The following PLCE1 variants were observed in gnomAD, a reference collection of about 807,000 sequenced individuals.
The protein encoded by PLCE1 is phospholipase C epsilon 1.
PLCE1 carries 119 observed loss-of-function variants against 242.8 expected under a neutral mutation model. That is an observed-to-expected ratio of 0.49 (90% confidence interval 0.42 to 0.57). The LOEUF is 0.57. PLCE1 is among the 20% of genes least tolerant of loss of function. The pLI is 0.00. For missense variants in PLCE1, 2,441 were observed against 2,788.8 expected (o/e 0.88, Z 2.81); for synonymous variants, 945 against 1,017.4 (o/e 0.93, Z 1.35).
chr10:94,312,668 C>T (rs75409190), intron 27 of PLCE1, among the ~76,000 whole-genome samples: 10,132 of 152,246 alleles, frequency 0.067, 468 homozygotes, highest in East Asian at 0.19. Flanking sequence ...ACTGGAAGCC[C>T]TTGGCAGGGA....
chr10:94,262,001 CTTT>C (rs72217756), intron 13 of PLCE1, among the ~76,000 whole-genome samples: 3 of 135,234 alleles, frequency 2.2e-5, no homozygotes, highest in African/African-American at 2.8e-5. Context: ...TCTTCTTTTC[CTTT>C]TTTTTTTTTT....
At chr10:94,026,648 G>A (rs1161273550) in intron 1 of PLCE1, among the ~76,000 whole-genome samples, 1 of 152,142 alleles carries the variant, frequency 6.6e-6, no homozygotes, top group East Asian at 1.9e-4. Context: ...TGGGTCAGCT[G>A]CTGCTGACAT....
At chr10:94,019,195 A>C (rs1052671034) in intron 1 of PLCE1, among the ~76,000 whole-genome samples, 8 of 152,172 alleles carry the variant, frequency 5.3e-5, no homozygotes, top group African/African-American at 1.9e-4. Context: ...CAGGATATGA[A>C]CCCAAACACT....
rs147354361 is a variant in PLCE1, at chr10:94,132,999, A to G, written c.1492+540A>G. Among the ~76,000 whole-genome samples, 672 of 152,082 alleles carry G rather than the reference A, an allele frequency of 4.4e-3. 21 individuals carry two copies. The highest frequency in any genetic ancestry group is 0.039 in the Admixed American group (591 of 15,232). On this transcript the variant is annotated intron_variant, in intron 3 of 32. Coordinates refer to ENST00000371380, the MANE Select transcript of PLCE1 (RefSeq NM_016341.4). ...TTTGAAACTTTTTTTCAAATGAAGTAAATGGTTAAAACGCTATCTTTAATT... is the reference window on the plus strand; with the variant it reads ...TTTGAAACTTTTTTTCAAATGAAGTGAATGGTTAAAACGCTATCTTTAATT...
intron 2 of PLCE1, among the ~76,000 whole-genome samples, chr10:94,045,105 G>T (rs1169505985): frequency 6.6e-6 from 1 of 152,016 alleles, no homozygotes; most frequent in African/African-American, 2.4e-5. Flanking sequence ...GGCTCAAGCA[G>T]TCCTCCTGCT....
intron 19 of PLCE1, 38 bp from the exon 20 acceptor site, chr10:94,279,744 C>T: frequency 6.2e-7 from 1 of 1,608,438 alleles, no homozygotes; most frequent in African/African-American, 1.3e-5. Context: ...AATTCATTAA[C>T]TTGGCATCTG....
chr10:94,005,966 G>A (rs919978173), intron 1 of PLCE1, among the ~76,000 whole-genome samples: 1 of 152,140 alleles, frequency 6.6e-6, no homozygotes, highest in African/African-American at 2.4e-5. Context: ...TGTGACAAAG[G>A]TCTCAAGAAA....
intron 1 of PLCE1, among the ~76,000 whole-genome samples, chr10:94,001,892 T>G (rs558716726): frequency 6.6e-6 from 1 of 152,296 alleles, no homozygotes; most frequent in Admixed American, 6.5e-5. Flanking sequence ...GGGCATGAAA[T>G]TGTATTCCTT....
chr10:94,163,755 T>C (rs546198563), intron 3 of PLCE1, among the ~76,000 whole-genome samples: 7 of 152,228 alleles, frequency 4.6e-5, no homozygotes, highest in East Asian at 1.9e-4. Context: ...CTAGCCGTGA[T>C]GGTCTTTACA....
chr10:94,318,800 C>A (rs149983859), intron 29 of PLCE1, among the ~76,000 whole-genome samples: 280 of 152,334 alleles, frequency 1.8e-3, no homozygotes, highest in Non-Finnish European at 3.3e-3. Flanking sequence ...GTGGCTCACA[C>A]CTGTAATCCC....
rs1465131741 is a variant in PLCE1 at position 94,328,766 on chromosome 10, A to AAAT, written c.*828_*830dup. 2 of 152,150 alleles carry AAAT rather than the reference A, an allele frequency of 1.3e-5. No homozygotes were observed. The highest frequency in any genetic ancestry group is 3.2e-3 in the Middle Eastern group (1 of 316). The allele number at this position is 152,150 out of a possible 1,614,324, so 9.4% of individuals were successfully genotyped here. ...CTCTTTAGGATTTTTTTACATATAG[A>AAAT]AATAATATTGGGTTTTTTTTAAGGT... On this transcript the variant is annotated 3_prime_UTR_variant, in exon 33 of 33. Coordinates refer to ENST00000371380, the MANE Select transcript of PLCE1 (RefSeq NM_016341.4).
chr10:94,128,370 C>T (rs2046496646), intron 2 of PLCE1, among the ~76,000 whole-genome samples: 1 of 152,144 alleles, frequency 6.6e-6, no homozygotes. Flanking sequence ...CAACAAAGCA[C>T]CTTGAGTTTC....
intron 23 of PLCE1, among the ~76,000 whole-genome samples, chr10:94,297,423 T>C (rs1424657766): frequency 1.3e-5 from 2 of 151,544 alleles, no homozygotes; most frequent in African/African-American, 4.8e-5. Flanking sequence ...ACATCGAAGA[T>C]CACTCGTCAC....
intron 4 of PLCE1, among the ~76,000 whole-genome samples, chr10:94,176,857 T>C (rs1374913894): frequency 6.6e-6 from 1 of 152,006 alleles, no homozygotes; most frequent in Non-Finnish European, 1.5e-5. Flanking sequence ...CAGAGAAGGC[T>C]GGGGTGTCCA....
intron 7 of PLCE1, among the ~76,000 whole-genome samples, chr10:94,245,507 A>T (rs200016639): frequency 2.0e-5 from 3 of 151,074 alleles, no homozygotes; most frequent in Non-Finnish European, 3.0e-5. Context: ...GTTACTCAAA[A>T]TTTTTTTTTT....
chr10:94,255,219 G>A (rs2051029641), intron 11 of PLCE1, among the ~76,000 whole-genome samples, 170 bp downstream of exon 11: 1 of 152,098 alleles, frequency 6.6e-6, no homozygotes, highest in African/African-American at 2.4e-5. Flanking sequence ...TCCCAATTTT[G>A]TACTCCTACC....
At chr10:94,086,519 T>A (rs1454106082) in intron 2 of PLCE1, among the ~76,000 whole-genome samples, 1 of 152,252 alleles carries the variant, frequency 6.6e-6, no homozygotes, top group East Asian at 1.9e-4. Context: ...GTTGTAACAC[T>A]GTCCAATCTC....
rs763394762 is a variant in PLCE1, at chr10:94,234,268, A to G, written c.2170A>G (p.Met724Val). ...CEVLDGASGL[M>V]KLCPRYNSQE... is the part of the protein sequence containing the mutation. ...AGTGCTTGACGGCGCCTCCGGTCTCATGAAGCTTTGCCCGCGGTACAATTC... is the reference window on the plus strand; with the variant it reads ...AGTGCTTGACGGCGCCTCCGGTCTCGTGAAGCTTTGCCCGCGGTACAATTC... Residue 724 changes from methionine to valine, a missense_variant, in exon 6 of 33, where the codon ATG (methionine) becomes GTG (valine). Met to Val is a conservative substitution (Grantham distance 21). This residue lies in a region of PLCE1 where 733 missense variants were observed against 754.2 expected (regional missense o/e 0.97). Transcript: ENST00000371380. The G allele has an allele frequency of 6.2e-6, 10 of 1,614,040 alleles. No homozygotes were observed. The highest frequency in any genetic ancestry group is 8.5e-6 in the Non-Finnish European group (10 of 1,180,024).
At chr10:94,170,189 C>A in intron 3 of PLCE1, among the ~76,000 whole-genome samples, 1 of 152,118 alleles carries the variant, frequency 6.6e-6, no homozygotes, top group Non-Finnish European at 1.5e-5. Flanking sequence ...ACAGGTATTT[C>A]CAGGAAGAGA....
Sources: gnomAD v4.1 joint callset for allele counts (sites outside exome capture counted in the v4.1 genomes callset) on GRCh38, gnomAD v4.1.1 for gene constraint, gnomAD v4.1.1 regional missense constraint, MANE v1.5 for transcripts, NCBI Gene and HGNC (gene_info 2026-07-23, HGNC 2026-07-21) for gene names.